PRPH2: variants seen among roughly 807,000 people sequenced by gnomAD.
The protein encoded by PRPH2 is peripherin-2.
PRPH2 carries 17 observed loss-of-function variants against 31.3 expected under a neutral mutation model. The observed-to-expected ratio is 0.54, with a 90% CI of 0.37 to 0.81. The LOEUF (loss-of-function observed/expected upper bound fraction) is 0.81, where lower values mean the gene tolerates loss of function less well. Among genes scored for constraint, PRPH2 ranks in the 40% least tolerant of loss-of-function variants. The pLI is 0.00. For synonymous variants in PRPH2, 165 were observed against 184.4 expected (o/e 0.89, Z 0.85); for missense variants, 430 against 439.7 (o/e 0.98, Z 0.20).
In PRPH2 at chr6:42,721,719, T is replaced by G. The variant is rs776805706; in HGVS notation, c.581+35A>C. The stretch of plus-strand genomic sequence containing the variant: ...CTGAGCCTCAGTGTCCCCAATATAT[T>G]CATAGCTCTGACCCCAGGACTGGAA... On this transcript the variant is annotated intron_variant, in intron 1 of 2. Transcript: ENST00000230381. 2.5e-6 allele frequency: 4 copies of G among 1,611,534 alleles called. 1 individual carries two copies. The South Asian group carries it at 4.4e-5, about 18-fold the overall frequency.
At chr6:42,710,471 A>C (rs1800255145) in intron 1 of PRPH2, among the ~76,000 whole-genome samples, 1 of 152,110 alleles carries the variant, frequency 6.6e-6, no homozygotes, top group African/African-American at 2.4e-5. Flanking sequence ...CACTCCAAAC[A>C]TCATCTTGTT....
chr6:42,699,896 G>A (rs745636134), intron 2 of PRPH2, among the ~76,000 whole-genome samples: 3 of 151,634 alleles, frequency 2.0e-5, no homozygotes, highest in Non-Finnish European at 2.9e-5. Flanking sequence ...TGTACCTAGT[G>A]CACAGTAAGG....
intron 1 of PRPH2, among the ~76,000 whole-genome samples, chr6:42,709,884 C>A (rs927241985): frequency 7.2e-5 from 11 of 152,202 alleles, no homozygotes; most frequent in African/African-American, 2.4e-4. Context: ...CACCACCTAC[C>A]CTCAGGTACC....
At chr6:42,705,585 AAAAAAAAAAAAAAAATAT>A (rs1180973901) in intron 1 of PRPH2, among the ~76,000 whole-genome samples, 4 of 17,528 alleles carry the variant, frequency 2.3e-4, no homozygotes, top group African/African-American at 4.5e-4. Context: ...AAAAAAAAAA[AAAAAAAAAAAAAAAATAT>A]ATATATATAT....
At chr6:42,703,871 G>T (rs1369110296) in intron 2 of PRPH2, among the ~76,000 whole-genome samples, 1 of 152,182 alleles carries the variant, frequency 6.6e-6, no homozygotes, top group Non-Finnish European at 1.5e-5. Context: ...GGAGGCCGAG[G>T]CAGGCAGATC....
chr6:42,699,751 G>T (rs1442640749), intron 2 of PRPH2, among the ~76,000 whole-genome samples: 1 of 152,032 alleles, frequency 6.6e-6, no homozygotes, highest in Non-Finnish European at 1.5e-5. Context: ...ATAATTGCCG[G>T]GTGTGGTGGC....
Position 42,704,494 on chromosome 6 carries a change from G to A in PRPH2, c.699C>T (p.His233=). Residue 233 remains histidine, a synonymous_variant, in exon 2 of 3, where the codon CAC becomes CAT. Coordinates refer to ENST00000230381, the MANE Select transcript of PRPH2 (RefSeq NM_000322.5). Reference sequence around the variant, plus strand: ...CCTCCGTCTGGTGGTCGTAACTGTAGTGTGCTGAGTTGTTGGTGATCTGAT... The same window carrying A: ...CCTCCGTCTGGTGGTCGTAACTGTAATGTGCTGAGTTGTTGGTGATCTGAT... The part of the protein sequence containing the change: ...IQYQITNNSA[H]YSYDHQTEEL... 5 of 1,614,162 alleles carry A rather than the reference G, an allele frequency of 3.1e-6. No individual in the cohort carries two copies. Among genetic ancestry groups the A allele is most frequent in the Non-Finnish European group, 4.2e-6 (5 of 1,180,026 alleles).
In PRPH2 at chr6:42,722,352, C is replaced by A; in HGVS notation, c.-18G>T. 6.2e-7 allele frequency: 1 copy of A among 1,612,354 alleles called. No individual in the cohort carries two copies. The highest frequency in any genetic ancestry group is 1.1e-5 in the South Asian group (1 of 90,990). ...AGCGCCATGCTTGCCAAGTGTAGTC[C>A]GGGTTGCTTCCCACAGCACAGCTCC... On this transcript the variant is annotated 5_prime_UTR_variant, in exon 1 of 3. Transcript: ENST00000230381. This position sits in a 1 kb window ranked among gnomAD's most constrained non-coding sequence, Gnocchi z 4.4.
At chr6:42,705,756 C>T (rs1041202812) in intron 1 of PRPH2, among the ~76,000 whole-genome samples, 5 of 148,770 alleles carry the variant, frequency 3.4e-5, no homozygotes, top group Non-Finnish European at 5.9e-5. Flanking sequence ...GTCAAGAGAT[C>T]GAGACCATCC....
intron 1 of PRPH2, among the ~76,000 whole-genome samples, chr6:42,709,180 A>C (rs1800227986): frequency 6.6e-6 from 1 of 151,450 alleles, no homozygotes; most frequent in South Asian, 2.1e-4. Flanking sequence ...AATACAAAAA[A>C]TTAGCCGGGC....
chr6:42,699,806 T>C lies in PRPH2; in HGVS notation c.829-1299A>G, dbSNP rs73426429. Among the ~76,000 whole-genome samples, 1,068 of 152,188 alleles carry C rather than the reference T, an allele frequency of 7.0e-3. 10 individuals carry two copies. The highest frequency in any genetic ancestry group is 0.025 in the African/African-American group (1,034 of 41,524). Reference sequence around the variant, plus strand: ...TACCCGGGTACTTGGGTAGCCAAGATGGGAGGATCTCATGAGCCCCAGAGA... The same window carrying C: ...TACCCGGGTACTTGGGTAGCCAAGACGGGAGGATCTCATGAGCCCCAGAGA... On this transcript the variant is annotated intron_variant, in intron 2 of 2. Transcript: ENST00000230381.
At position 42,722,168 on chromosome 6, in the gene PRPH2, T is replaced by C. The variant is rs1351857575; in HGVS notation, c.167A>G (p.Glu56Gly). Reference sequence around the variant, plus strand: ...CAATGAGTTGGGCACAAAATGGCTCTCAGAATTATTCATCACATCGCTCCT... The same window carrying C: ...CAATGAGTTGGGCACAAAATGGCTCCCAGAATTATTCATCACATCGCTCCT... ...RKRSDVMNNS[E>G]SHFVPNSLIG... The change falls in exon 1 of 3, where the codon GAG (glutamate) becomes GGG (glycine). Residue 56 changes from glutamate (E) to glycine (G), a missense_variant. By Grantham distance (98) the Glu-to-Gly change is moderately conservative. Coordinates refer to ENST00000230381, the MANE Select transcript of PRPH2 (RefSeq NM_000322.5). The surrounding 1 kb of genome is among the most constrained non-coding windows in gnomAD (Gnocchi z 4.4). 1.2e-6 allele frequency: 2 copies of C among 1,614,054 alleles called. No homozygotes were observed. The highest frequency in any genetic ancestry group is 1.7e-6 in the Non-Finnish European group (2 of 1,180,044).
At chr6:42,702,737 G>T (rs1299632787) in intron 2 of PRPH2, among the ~76,000 whole-genome samples, 1 of 151,584 alleles carries the variant, frequency 6.6e-6, no homozygotes, top group African/African-American at 2.4e-5. Flanking sequence ...AGGCGTGGTG[G>T]TGCACGCCTG....
chr6:42,719,131 G>A (rs541612754), intron 1 of PRPH2, among the ~76,000 whole-genome samples: 49 of 151,520 alleles, frequency 3.2e-4, no homozygotes, highest in Admixed American at 1.5e-3. Context: ...AAATCTGAAT[G>A]CTTGCCTAAG....
chr6:42,716,612 G>GTTTTTTTTTTTTTTTTTTTTTTTTTTTT (rs145765747), intron 1 of PRPH2, among the ~76,000 whole-genome samples: 1 of 111,570 alleles, frequency 9.0e-6, no homozygotes, highest in Non-Finnish European at 1.8e-5. Context: ...GGTTTGGTTG[G>GTTTTTTTTTTTTTTTTTTTTTTTTTTTT]TTTTTTTTTT....
chr6:42,699,681 G>A (rs1254340737), intron 2 of PRPH2, among the ~76,000 whole-genome samples: 1 of 152,170 alleles, frequency 6.6e-6, no homozygotes, highest in East Asian at 1.9e-4. Flanking sequence ...GAGCTCAGGA[G>A]TTCGAGACCA....
Position 42,704,467 on chromosome 6 carries a change from C to T in PRPH2, c.726G>A (p.Glu242=). The T allele has an allele frequency of 1.2e-6, 2 of 1,613,816 alleles. No individual in the cohort carries two copies. The highest frequency in any genetic ancestry group is 1.7e-6 in the Non-Finnish European group (2 of 1,179,888). ...TGCAGCCACGCACCCACAGGTTGAG[C>T]TCCTCCGTCTGGTGGTCGTAACTGT... is the stretch of plus-strand genomic sequence containing the variant. The part of the protein sequence containing the change: ...AHYSYDHQTE[E]LNLWVRGCRA... The change falls in exon 2 of 3, where the codon GAG becomes GAA. Residue 242 remains glutamate, a synonymous_variant. Coordinates refer to ENST00000230381, the MANE Select transcript of PRPH2 (RefSeq NM_000322.5).
chr6:42,706,824 G>A (rs370229583), intron 1 of PRPH2, among the ~76,000 whole-genome samples: 2 of 152,090 alleles, frequency 1.3e-5, no homozygotes, highest in African/African-American at 2.4e-5. Context: ...GGTCCTGACC[G>A]CTATGGCCAG....
chr6:42,707,846 CT>C (rs1422702443), intron 1 of PRPH2, among the ~76,000 whole-genome samples: 7 of 152,184 alleles, frequency 4.6e-5, no homozygotes, highest in Admixed American at 1.3e-4. Flanking sequence ...CCACATGGCC[CT>C]GGGTGGCATG....
Sources: gnomAD v4.1 joint callset for allele counts (sites outside exome capture counted in the v4.1 genomes callset) on GRCh38, gnomAD v4.1.1 for gene constraint, Gnocchi (gnomAD v3.1) non-coding constraint, MANE v1.5 for transcripts, NCBI Gene and HGNC (gene_info 2026-07-23, HGNC 2026-07-21) for gene names.